Variants in RLF observed in about 807,000 individuals in gnomAD.
The protein encoded by RLF is RLF zinc finger.
Under a neutral mutation model 162.9 loss-of-function variants are expected in RLF, and 7 were observed. That is an observed-to-expected ratio of 0.04 (90% CI 0.02 to 0.08). The LOEUF (loss-of-function observed/expected upper bound fraction) is 0.08. Ranked by LOEUF, RLF falls within the 10% of genes least tolerant of loss-of-function variation. The pLI is 1.00. For missense variants in RLF, 1,664 were observed against 2,244.7 expected (o/e 0.74, Z 5.23); for synonymous variants, 782 against 791.5 (o/e 0.99, Z 0.20).
At position 40,239,749 on chromosome 1, in the gene RLF, C is replaced by T; in HGVS notation, c.5047C>T (p.Leu1683=). The T allele has an allele frequency of 2.5e-6, 4 of 1,614,120 alleles. No individual in the cohort carries two copies. Among genetic ancestry groups the T allele is most frequent in the Non-Finnish European group, 3.4e-6 (4 of 1,180,004 alleles). Residue 1683 remains leucine (L), a synonymous_variant, in exon 8 of 8, where the codon CTA becomes TTA. Transcript: ENST00000372771. ...TAATCATAGTTCCAAAACCACTTCC[C>T]TAGAACAGTGTAATATAGTTCAGCC... is the stretch of plus-strand genomic sequence containing the variant. ...KCNHSSKTTS[L]EQCNIVQPPP... is the part of the protein sequence containing the mutation.
intron 5 of RLF, among the ~76,000 whole-genome samples, chr1:40,210,362 G>A (rs1327113420): frequency 6.6e-6 from 1 of 152,200 alleles, no homozygotes; most frequent in Non-Finnish European, 1.5e-5. Flanking sequence ...TTTAAGTAAT[G>A]GTGGGGTTTG....
chr1:40,219,751 A>T (rs1642968483), intron 5 of RLF, among the ~76,000 whole-genome samples: 1 of 152,248 alleles, frequency 6.6e-6, no homozygotes, highest in African/African-American at 2.4e-5. Context: ...CGTGTATTTT[A>T]AAATGCCAGG....
At position 40,236,517 on chromosome 1, in the gene RLF, T is replaced by G. The variant is rs1643219366; in HGVS notation, c.1815T>G (p.Val605=). 3 of 1,613,732 alleles carry G rather than the reference T, an allele frequency of 1.9e-6. No homozygotes were observed. The highest frequency in any genetic ancestry group is 1.3e-5 in the African/African-American group (1 of 74,848). ...TTGTTCCTCATGTGATGGAGCATGT[T>G]AAAATGCCACCAAGCAGAAGGGACC... ...EMFVPHVMEH[V]KMPPSRRDRS... The change falls in exon 8 of 8, where the codon GTT becomes GTG. Residue 605 remains valine, a synonymous_variant. Coordinates refer to ENST00000372771, the MANE Select transcript of RLF (RefSeq NM_012421.4). The surrounding 1 kb of genome is among the most constrained non-coding windows in gnomAD (Gnocchi z 7.7).
At chr1:40,200,893 C>T (rs984452250) in intron 4 of RLF, among the ~76,000 whole-genome samples, 64 of 112,064 alleles carry the variant, frequency 5.7e-4, no homozygotes, top group African/African-American at 2.6e-3. Context: ...CACACACACA[C>T]ACACACACAC....
chr1:40,173,210 G>A (rs1642271623), intron 1 of RLF, among the ~76,000 whole-genome samples: 1 of 151,638 alleles, frequency 6.6e-6, no homozygotes, highest in Admixed American at 6.6e-5. Context: ...TTGAGTAGCT[G>A]GGATTACAGG....
chr1:40,197,713 T>C (rs1203989841), intron 4 of RLF, among the ~76,000 whole-genome samples: 1 of 152,250 alleles, frequency 6.6e-6, no homozygotes, highest in Non-Finnish European at 1.5e-5. Context: ...AATAGGTACA[T>C]GATACCTACA....
chr1:40,228,391 C>T lies in RLF; in HGVS notation c.948-3126C>T, dbSNP rs181216796. Among the ~76,000 whole-genome samples the T allele has an allele frequency of 2.9e-3, 445 of 151,784 alleles. 3 individuals carry two copies. Among genetic ancestry groups the T allele is most frequent in the African/African-American group, 9.8e-3 (406 of 41,424 alleles). On this transcript the variant is annotated intron_variant, in intron 6 of 7. Coordinates refer to ENST00000372771, the MANE Select transcript of RLF (RefSeq NM_012421.4). ...CTAAGGTCAGGAGTTCAAGACCAGC[C>T]TGGCCAACATAGCGAAACCCCGTCT...
chr1:40,180,209 A>G (rs1557740373), intron 1 of RLF, among the ~76,000 whole-genome samples: 1 of 152,136 alleles, frequency 6.6e-6, no homozygotes, highest in South Asian at 2.1e-4. Context: ...AGCAATGCAC[A>G]GGGGTTCCTA....
At chr1:40,207,067 GCTT>G (rs1481716529) in intron 5 of RLF, among the ~76,000 whole-genome samples, 2 of 152,048 alleles carry the variant, frequency 1.3e-5, no homozygotes, top group African/African-American at 2.4e-5. Context: ...ACACATTACT[GCTT>G]CTACTAGGCA....
At chr1:40,187,749 C>G (rs1391623009) in intron 1 of RLF, among the ~76,000 whole-genome samples, 1 of 152,028 alleles carries the variant, frequency 6.6e-6, no homozygotes, top group Non-Finnish European at 1.5e-5. Flanking sequence ...CAAGATGATG[C>G]TAACAGTCAG....
At chr1:40,209,152 G>A (rs1462856686) in intron 5 of RLF, among the ~76,000 whole-genome samples, 1 of 152,186 alleles carries the variant, frequency 6.6e-6, no homozygotes, top group African/African-American at 2.4e-5. Flanking sequence ...GCTTGTGGGT[G>A]GCTCATTACT....
At chr1:40,191,170 T>G (rs536318681) in intron 3 of RLF, among the ~76,000 whole-genome samples, 2 of 152,328 alleles carry the variant, frequency 1.3e-5, no homozygotes, top group South Asian at 4.1e-4. Context: ...CATAGCATAC[T>G]TATTGGTAAC....
chr1:40,216,872 T>C (rs970098460), intron 5 of RLF, among the ~76,000 whole-genome samples: 8 of 151,970 alleles, frequency 5.3e-5, no homozygotes, highest in African/African-American at 1.9e-4. Context: ...GACAACATGG[T>C]GAAACCCCGT....
At chr1:40,191,252 A>G (rs867121392) in intron 3 of RLF, among the ~76,000 whole-genome samples, 1 of 152,210 alleles carries the variant, frequency 6.6e-6, no homozygotes, top group Admixed American at 6.5e-5. Context: ...TAAGAATTGT[A>G]CCTGGCTGGG....
At chr1:40,184,448 G>T (rs1444396436) in intron 1 of RLF, among the ~76,000 whole-genome samples, 1 of 152,218 alleles carries the variant, frequency 6.6e-6, no homozygotes, top group Non-Finnish European at 1.5e-5. Context: ...AAACTTTGGT[G>T]TGGTGGTTTC....
chr1:40,174,616 T>A (rs1642292415), intron 1 of RLF, among the ~76,000 whole-genome samples: 2 of 152,188 alleles, frequency 1.3e-5, no homozygotes, highest in African/African-American at 4.8e-5. Context: ...TAAATTAATC[T>A]TTTAAAAGTA....
At chr1:40,231,717 A>G in intron 7 of RLF, 59 bp downstream of exon 7, 1 of 1,461,508 alleles carries the variant, frequency 6.8e-7, no homozygotes, top group East Asian at 2.3e-5. Context: ...GAGTGGGAAG[A>G]TAACTTCTCA....
At chr1:40,218,021 A>C (rs1642947654) in intron 5 of RLF, among the ~76,000 whole-genome samples, 1 of 152,188 alleles carries the variant, frequency 6.6e-6, no homozygotes, top group South Asian at 2.1e-4. Context: ...TCTGTTTTCT[A>C]GGTTTTCTAT....
intron 5 of RLF, among the ~76,000 whole-genome samples, chr1:40,214,476 C>T (rs572331468): frequency 6.6e-6 from 1 of 152,286 alleles, no homozygotes; most frequent in East Asian, 1.9e-4. Flanking sequence ...TCACACTGCG[C>T]ATGTTTGTGA....
Sources: allele counts gnomAD v4.1 joint callset (sites outside exome capture counted in the v4.1 genomes callset), GRCh38; gene constraint gnomAD v4.1.1; non-coding constraint Gnocchi (gnomAD v3.1); transcripts MANE v1.5; gene names NCBI Gene and HGNC (gene_info 2026-07-23, HGNC 2026-07-21).